The following NSMCE2 variants were observed in gnomAD, a reference collection of about 807,000 sequenced individuals.
The protein encoded by NSMCE2 is E3 SUMO-protein ligase NSE2.
A neutral mutation model predicts 23.8 loss-of-function variants in NSMCE2; 24 were observed. That is an observed-to-expected ratio of 1.01 (90% CI 0.73 to 1.42). NSMCE2 has a LOEUF of 1.42. NSMCE2 is among the 40% of genes most tolerant of loss of function. The pLI, the probability that NSMCE2 is intolerant of heterozygous loss-of-function variation, is 0.00. For synonymous variants in NSMCE2, 92 were observed against 94.1 expected, an observed-to-expected ratio of 0.98 and a Z score of 0.13; for missense variants, 284 against 296.5, an observed-to-expected ratio of 0.96 and a Z score of 0.31.
intron 5 of NSMCE2, among the ~76,000 whole-genome samples, chr8:125,281,970 C>G (rs1187856295): frequency 6.6e-6 from 1 of 152,142 alleles, no homozygotes; most frequent in Non-Finnish European, 1.5e-5. Flanking sequence ...AACTCTAACT[C>G]CTGCAGGGGC....
At chr8:125,212,013 C>T (rs983739903) in intron 5 of NSMCE2, among the ~76,000 whole-genome samples, 1 of 152,100 alleles carries the variant, frequency 6.6e-6, no homozygotes, top group Admixed American at 6.6e-5. Context: ...GCTCTGTAAA[C>T]GTTTATGGAT....
chr8:125,102,026 T>C (rs1338232866), intron 1 of NSMCE2, 25 bp from the exon 2 acceptor site: 3 of 220,542 alleles, frequency 1.4e-5, no homozygotes, highest in African/African-American at 6.8e-5. Flanking sequence ...TTTTAAGAAC[T>C]GTGCTATTGT....
At chr8:125,215,692 A>T (rs1195569803) in intron 5 of NSMCE2, among the ~76,000 whole-genome samples, 1 of 152,142 alleles carries the variant, frequency 6.6e-6, no homozygotes, top group Non-Finnish European at 1.5e-5. Context: ...TCTTTAATCC[A>T]TCTTGAATTG....
chr8:125,149,842 GT>G (rs1216736776), intron 3 of NSMCE2, among the ~76,000 whole-genome samples: 1 of 152,046 alleles, frequency 6.6e-6, no homozygotes, highest in East Asian at 1.9e-4. Flanking sequence ...GGTATGTAAG[GT>G]TTTTTTGTTT....
rs548317090 is a variant in NSMCE2, at chr8:125,251,769, C to T, written c.418+69513C>T. Among the ~76,000 whole-genome samples the T allele has an allele frequency of 1.5e-4, 23 of 152,314 alleles. No individual in the cohort carries two copies. The South Asian group carries it at 1.7e-3, about 11-fold the overall frequency. On this transcript the variant is annotated intron_variant, in intron 5 of 7. Coordinates refer to ENST00000287437, the MANE Select transcript of NSMCE2 (RefSeq NM_173685.4). ...TAACTCCACTTTTTAAATAAAGAAG[C>T]AGGCTTTTAAAGCAAAGTTAAATCA...
At chr8:125,125,208 A>G (rs1819454718) in intron 3 of NSMCE2, among the ~76,000 whole-genome samples, 1 of 152,116 alleles carries the variant, frequency 6.6e-6, no homozygotes, top group Non-Finnish European at 1.5e-5. Flanking sequence ...AACCTGCAGT[A>G]CAATGTTGAG....
At chr8:125,161,550 C>G (rs1821627988) in intron 4 of NSMCE2, among the ~76,000 whole-genome samples, 1 of 152,052 alleles carries the variant, frequency 6.6e-6, no homozygotes, top group South Asian at 2.1e-4. Context: ...GTAATTCCAG[C>G]ACTTTGGGAG....
intron 5 of NSMCE2, chr8:125,348,957 CTG>C (rs1563799340): frequency 6.6e-6 from 1 of 150,914 alleles, no homozygotes; most frequent in Non-Finnish European, 1.5e-5. Context: ...CATGAGGAAA[CTG>C]AGGTACAAAG....
chr8:125,288,282 C>A (rs1827976744), intron 5 of NSMCE2, among the ~76,000 whole-genome samples: 1 of 152,186 alleles, frequency 6.6e-6, no homozygotes, highest in African/African-American at 2.4e-5. Context: ...TCTCTGACTG[C>A]TGGGACGTAA....
chr8:125,200,166 C>G (rs1019194410), intron 5 of NSMCE2, among the ~76,000 whole-genome samples: 4 of 152,124 alleles, frequency 2.6e-5, no homozygotes, highest in African/African-American at 9.7e-5. Flanking sequence ...GCATTTAGCC[C>G]ATTTATATTT....
At chr8:125,315,397 G>A (rs1484769258) in intron 5 of NSMCE2, among the ~76,000 whole-genome samples, 1 of 152,180 alleles carries the variant, frequency 6.6e-6, no homozygotes, top group African/African-American at 2.4e-5. Context: ...GAGGGGCTGA[G>A]TTTTGAGTCA....
intron 5 of NSMCE2, among the ~76,000 whole-genome samples, chr8:125,186,569 A>G (rs1379604541): frequency 6.6e-6 from 1 of 152,210 alleles, no homozygotes; most frequent in Non-Finnish European, 1.5e-5. Flanking sequence ...ATGATATAAT[A>G]TGACAACCAT....
chr8:125,352,294 AT>A (rs1368772112), intron 5 of NSMCE2, among the ~76,000 whole-genome samples: 2 of 152,072 alleles, frequency 1.3e-5, no homozygotes, highest in Non-Finnish European at 2.9e-5. Flanking sequence ...CCTGACCAAC[AT>A]GGAGAAACCC....
intron 4 of NSMCE2, among the ~76,000 whole-genome samples, chr8:125,173,229 T>A (rs1487314622): frequency 6.6e-6 from 1 of 152,208 alleles, no homozygotes; most frequent in Non-Finnish European, 1.5e-5. Context: ...AGTCCCTTGG[T>A]GAAATCATTC....
chr8:125,114,177 CTTTA>C (rs1302341488), intron 3 of NSMCE2, among the ~76,000 whole-genome samples: 2 of 152,124 alleles, frequency 1.3e-5, no homozygotes, highest in African/African-American at 2.4e-5. Flanking sequence ...CCTTTCTCTG[CTTTA>C]TTTTTCTCTC....
intron 5 of NSMCE2, among the ~76,000 whole-genome samples, chr8:125,317,894 A>T (rs999372172): frequency 1.3e-5 from 2 of 152,354 alleles, no homozygotes; most frequent in African/African-American, 4.8e-5. Flanking sequence ...AAAATTATTT[A>T]TGATATTTTT....
At chr8:125,175,652 G>A (rs1447271356) in intron 4 of NSMCE2, among the ~76,000 whole-genome samples, 3 of 152,084 alleles carry the variant, frequency 2.0e-5, no homozygotes, top group East Asian at 3.8e-4. Context: ...GAATGACTCA[G>A]CTCATTAATA....
chr8:125,121,288 C>T (rs2130496055), intron 3 of NSMCE2, among the ~76,000 whole-genome samples: 1 of 152,270 alleles, frequency 6.6e-6, no homozygotes, highest in South Asian at 2.1e-4. Context: ...GATTTTACTC[C>T]AAGACAAAGA....
chr8:125,107,473 T>G (rs1470061131), intron 3 of NSMCE2, among the ~76,000 whole-genome samples: 1 of 152,094 alleles, frequency 6.6e-6, no homozygotes. Context: ...ATTACAGGCA[T>G]GAGCCACCAG....
Sources: gnomAD v4.1 joint callset for allele counts (sites outside exome capture counted in the v4.1 genomes callset) on GRCh38, gnomAD v4.1.1 for gene constraint, MANE v1.5 for transcripts, NCBI Gene and HGNC (gene_info 2026-07-23, HGNC 2026-07-21) for gene names.